Variants in SUPT3H observed in about 807,000 individuals in gnomAD.
SUPT3H encodes the protein SPT3 homolog, SAGA and STAGA complex component, also known as transcription initiation protein SPT3 homolog.
A neutral mutation model predicts 44.3 loss-of-function variants in SUPT3H; 44 were observed. The ratio of observed to expected loss-of-function variants is 0.99; its 90% confidence interval spans 0.78 to 1.28. SUPT3H has a LOEUF of 1.28. Among genes scored for constraint, SUPT3H ranks in the 50% most tolerant of loss-of-function variants. The pLI, the probability that SUPT3H is intolerant of heterozygous loss-of-function variation, is 0.00. For synonymous variants in SUPT3H, 124 were observed against 125.6 expected (o/e 0.99, Z 0.09); for missense variants, 380 against 387.1 (o/e 0.98, Z 0.15).
At chr6:44,870,539 C>A (rs1190473303) in intron 10 of SUPT3H, among the ~76,000 whole-genome samples, 6 of 147,100 alleles carry the variant, frequency 4.1e-5, no homozygotes, top group African/African-American at 1.5e-4. Flanking sequence ...GTCGAGGCTG[C>A]AGCGAGCCGG....
At chr6:45,132,373 A>T (rs1803605018) in intron 2 of SUPT3H, among the ~76,000 whole-genome samples, 2 of 152,202 alleles carry the variant, frequency 1.3e-5, no homozygotes, top group African/African-American at 4.8e-5. Flanking sequence ...AAAATTTGCT[A>T]CAAAAGATTA....
intron 1 of SUPT3H, among the ~76,000 whole-genome samples, chr6:45,375,536 G>A (rs940652729): frequency 6.6e-6 from 1 of 151,920 alleles, no homozygotes; most frequent in African/African-American, 2.4e-5. Context: ...TCAGCCTTAA[G>A]ACCAAGAGCA....
At chr6:45,062,881 G>A (rs1407030399) in intron 3 of SUPT3H, among the ~76,000 whole-genome samples, 2 of 152,066 alleles carry the variant, frequency 1.3e-5, no homozygotes, top group Non-Finnish European at 2.9e-5. Context: ...GCGAGGCTGG[G>A]GGAGGGGCGC....
intron 9 of SUPT3H, among the ~76,000 whole-genome samples, chr6:44,944,762 C>CA (rs57506313): frequency 1.8e-3 from 53 of 29,880 alleles, no homozygotes; most frequent in Non-Finnish European, 2.9e-3. Context: ...ACCCTCTCTC[C>CA]AAAAAAAAAA....
At chr6:45,229,081 C>T (rs939291684) in intron 2 of SUPT3H, among the ~76,000 whole-genome samples, 7 of 152,114 alleles carry the variant, frequency 4.6e-5, no homozygotes, top group Admixed American at 4.6e-4. Context: ...TAAACCCTAA[C>T]ATTTTTTAAA....
chr6:44,902,688 C>T (rs889302809), intron 10 of SUPT3H, among the ~76,000 whole-genome samples: 2 of 152,198 alleles, frequency 1.3e-5, no homozygotes, highest in African/African-American at 2.4e-5. Context: ...ACCTAAAAGA[C>T]ATCTACAGAA....
intron 2 of SUPT3H, among the ~76,000 whole-genome samples, chr6:45,142,171 TAA>T (rs936270741): frequency 3.3e-5 from 5 of 152,060 alleles, no homozygotes; most frequent in African/African-American, 1.2e-4. Flanking sequence ...GAGAGAAAGA[TAA>T]AGTCTTTTTC....
chr6:44,918,188 C>A (rs1768110493), intron 10 of SUPT3H, among the ~76,000 whole-genome samples: 1 of 152,156 alleles, frequency 6.6e-6, no homozygotes, highest in South Asian at 2.1e-4. Context: ...AACTGCTAAG[C>A]CACCTGGTTT....
chr6:45,068,955 T>C (rs552065552), intron 3 of SUPT3H, among the ~76,000 whole-genome samples: 13 of 151,364 alleles, frequency 8.6e-5, no homozygotes, highest in Non-Finnish European at 1.8e-4. Context: ...AACAAAATGC[T>C]TGCTTGTGGA....
chr6:45,167,975 C>G (rs915390744), intron 2 of SUPT3H, among the ~76,000 whole-genome samples: 4 of 152,014 alleles, frequency 2.6e-5, no homozygotes, highest in African/African-American at 9.7e-5. Flanking sequence ...CCATGTCTGG[C>G]TAATTTTGTA....
chr6:45,245,815 T>C (rs1771238004), intron 2 of SUPT3H, among the ~76,000 whole-genome samples: 1 of 152,170 alleles, frequency 6.6e-6, no homozygotes. Flanking sequence ...ATACAATAGC[T>C]GGATCATGTG....
intron 3 of SUPT3H, among the ~76,000 whole-genome samples, chr6:45,044,110 A>C (rs140769207): frequency 9.1e-4 from 138 of 152,320 alleles, no homozygotes; most frequent in Non-Finnish European, 1.6e-3. Flanking sequence ...TAATGCTGCT[A>C]ATAAAATAGC....
intron 3 of SUPT3H, among the ~76,000 whole-genome samples, chr6:45,028,277 A>G (rs1042605058): frequency 6.6e-6 from 1 of 152,184 alleles, no homozygotes; most frequent in African/African-American, 2.4e-5. Context: ...CTAATGGCCT[A>G]CATGGTTTGG....
chr6:45,085,714 C>T (rs979731193), intron 3 of SUPT3H, among the ~76,000 whole-genome samples: 1 of 151,998 alleles, frequency 6.6e-6, no homozygotes, highest in African/African-American at 2.4e-5. Context: ...CTTATCTTTT[C>T]TGTTAATTAA....
At chr6:45,093,344 A>C (rs998676241) in intron 3 of SUPT3H, among the ~76,000 whole-genome samples, 1 of 152,186 alleles carries the variant, frequency 6.6e-6, no homozygotes, top group Non-Finnish European at 1.5e-5. Context: ...ACAATAAAAT[A>C]ATATAAGCAA....
intron 5 of SUPT3H, among the ~76,000 whole-genome samples, chr6:45,010,305 T>C (rs1026359654): frequency 1.2e-4 from 19 of 152,138 alleles, no homozygotes; most frequent in Non-Finnish European, 5.9e-5. Flanking sequence ...CTTCTTTTTT[T>C]CTAATCTGGA....
At chr6:45,323,016 G>A in intron 2 of SUPT3H, 1 of 1,118,354 alleles carries the variant, frequency 8.9e-7, no homozygotes, top group Admixed American at 2.2e-5. Context: ...CCTTAATAGA[G>A]ATACAGACAG....
At chr6:44,851,685 A>C (rs1772909153) in intron 10 of SUPT3H, among the ~76,000 whole-genome samples, 1 of 152,238 alleles carries the variant, frequency 6.6e-6, no homozygotes. Flanking sequence ...GTGATAGGAT[A>C]ATTTTTAAAA....
intron 2 of SUPT3H, among the ~76,000 whole-genome samples, chr6:45,312,622 C>A (rs1398490428): frequency 7.1e-6 from 1 of 140,114 alleles, no homozygotes; most frequent in Non-Finnish European, 1.5e-5. Flanking sequence ...CTGGAGCTCC[C>A]AAATTTATAA....
Sources: gnomAD v4.1 joint callset for allele counts (sites outside exome capture counted in the v4.1 genomes callset) on GRCh38, gnomAD v4.1.1 for gene constraint, MANE v1.5 for transcripts, NCBI Gene and HGNC (gene_info 2026-07-23, HGNC 2026-07-21) for gene names.